Variants in MIA3 observed in about 807,000 individuals in gnomAD.
MIA3 encodes MIA SH3 domain ER export factor 3.
MIA3 carries 90 observed loss-of-function variants against 192.4 expected under a neutral mutation model. That is an observed-to-expected ratio of 0.47 (90% CI 0.39 to 0.56). MIA3 has a LOEUF of 0.56. Ranked by LOEUF, MIA3 falls within the 20% of genes least tolerant of loss-of-function variation. MIA3 has a pLI of 0.00. For missense variants in MIA3, 2,123 were observed against 2,269.4 expected (o/e 0.94, Z 1.31); for synonymous variants, 740 against 792.8 (o/e 0.93, Z 1.12).
chr1:222,656,122 A>G (rs1663713597), intron 18 of MIA3, among the ~76,000 whole-genome samples: 1 of 151,554 alleles, frequency 6.6e-6, no homozygotes, highest in African/African-American at 2.4e-5. Flanking sequence ...GGCGCCCGCC[A>G]CCATGCCCGG....
At chr1:222,641,856 G>T (rs891354114) in intron 6 of MIA3, 8 of 489,520 alleles carry the variant, frequency 1.6e-5, no homozygotes, top group African/African-American at 1.6e-4. Context: ...TGATAGTCTT[G>T]GAAGTTTTAT....
At chr1:222,639,785 T>C (rs1662774646) in intron 6 of MIA3, among the ~76,000 whole-genome samples, 2 of 152,164 alleles carry the variant, frequency 1.3e-5, no homozygotes, top group Admixed American at 6.5e-5. Context: ...TACTTAATAG[T>C]GAATGATTGA....
At chr1:222,644,918 T>C (rs1050435524) in intron 6 of MIA3, among the ~76,000 whole-genome samples, 1 of 152,154 alleles carries the variant, frequency 6.6e-6, no homozygotes, top group Admixed American at 6.5e-5. Context: ...GATAGTGTAC[T>C]TGTAAAGGGC....
chr1:222,622,827 T>G (rs9441835), intron 2 of MIA3, among the ~76,000 whole-genome samples: 1 of 151,598 alleles, frequency 6.6e-6, no homozygotes, highest in African/African-American at 2.4e-5. Flanking sequence ...CACGTCTTCA[T>G]CTCTGGATGT....
rs1483619784 is a variant in MIA3, at chr1:222,630,255, T to C, written c.3035T>C (p.Phe1012Ser). 6.2e-7 allele frequency: 1 copy of C among 1,614,204 alleles called. No homozygotes were observed. The highest frequency in any genetic ancestry group is 1.1e-5 in the South Asian group (1 of 91,086). ...CTGGGAATGAACGAAAATAACATAT[T>C]TGAAGAGGCTGCAGTGCTTGATGAC... is the stretch of plus-strand genomic sequence containing the variant. ...RDLGMNENNI[F>S]EEAAVLDDIQ... The change falls in exon 4 of 28, where the codon TTT (phenylalanine) becomes TCT (serine). Residue 1012 changes from phenylalanine (F) to serine (S), a missense_variant. By Grantham distance (155) the Phe-to-Ser change is radical. This residue lies in a region of MIA3 where 1,357 missense variants were observed against 1,396.1 expected (regional missense o/e 0.97). Transcript: ENST00000344922.
chr1:222,632,992 A>G (rs1662468630), intron 5 of MIA3, 112 bp from the exon 6 acceptor site: 6 of 1,076,336 alleles, frequency 5.6e-6, no homozygotes, highest in Middle Eastern at 4.6e-4. Context: ...AGAGATGAGA[A>G]CGTTTACTTT....
At chr1:222,630,902 A>G (rs1487935290) in intron 4 of MIA3, among the ~76,000 whole-genome samples, 1 of 152,132 alleles carries the variant, frequency 6.6e-6, no homozygotes, top group Non-Finnish European at 1.5e-5. Flanking sequence ...TCTTGCATGC[A>G]GATTAATCAA....
chr1:222,663,474 G>A (rs1343961270), intron 26 of MIA3, among the ~76,000 whole-genome samples: 7 of 152,120 alleles, frequency 4.6e-5, no homozygotes, highest in Admixed American at 1.3e-4. Context: ...TACTCTCTGC[G>A]CCTGTGTTCC....
chr1:222,636,673 C>T (rs573149077), intron 6 of MIA3, among the ~76,000 whole-genome samples: 83 of 152,078 alleles, frequency 5.5e-4, no homozygotes, highest in Admixed American at 9.2e-4. Flanking sequence ...CCACCACACC[C>T]GGCTAATTTT....
At chr1:222,634,760 T>C (rs1181637582) in intron 6 of MIA3, among the ~76,000 whole-genome samples, 1 of 152,206 alleles carries the variant, frequency 6.6e-6, no homozygotes, top group Non-Finnish European at 1.5e-5. Context: ...AAGACTCGAA[T>C]AGGAAAGAGC....
chr1:222,635,298 A>G (rs1464515250), intron 6 of MIA3, among the ~76,000 whole-genome samples: 1 of 152,214 alleles, frequency 6.6e-6, no homozygotes, highest in Non-Finnish European at 1.5e-5. Context: ...TATTCATTGT[A>G]TTTCTAGATA....
Position 222,630,006 on chromosome 1 carries a change from T to G in MIA3, c.2786T>G (p.Phe929Cys). ...GAGGACTTACTTATCATAAGCAGCTTCTTTAAAGAACAACAGTCTTTGCAG... is the reference window on the plus strand; with the variant it reads ...GAGGACTTACTTATCATAAGCAGCTGCTTTAAAGAACAACAGTCTTTGCAG... Reference protein sequence around the residue: ...KREDLLIISSFFKEQQSLQRF... With the variant: ...KREDLLIISSCFKEQQSLQRF... The change falls in exon 4 of 28, where the codon TTC (phenylalanine) becomes TGC (cysteine). Residue 929 changes from phenylalanine to cysteine, a missense_variant. Physicochemically the swap from Phe to Cys is radical, Grantham distance 205. Coordinates refer to ENST00000344922, the MANE Select transcript of MIA3 (RefSeq NM_198551.4). 2 of 1,614,132 alleles carry G rather than the reference T, an allele frequency of 1.2e-6. No homozygotes were observed. Among genetic ancestry groups the G allele is most frequent in the Non-Finnish European group, 1.7e-6 (2 of 1,180,030 alleles).
chr1:222,639,677 A>G (rs1285638698), intron 6 of MIA3, among the ~76,000 whole-genome samples: 2 of 152,192 alleles, frequency 1.3e-5, no homozygotes, highest in East Asian at 3.8e-4. Flanking sequence ...CTTTGAAAAA[A>G]ATCTAAAATT....
chr1:222,624,679 C>G, intron 2 of MIA3, 89 bp from the exon 3 acceptor site: 2 of 687,084 alleles, frequency 2.9e-6, no homozygotes, highest in Non-Finnish European at 2.7e-6. Flanking sequence ...TTGATATGTG[C>G]TGTAGATTGA....
At position 222,629,049 on chromosome 1, in the gene MIA3, C is replaced by T; in HGVS notation, c.1829C>T (p.Ser610Leu). 1 of 1,614,208 alleles carries T rather than the reference C, an allele frequency of 6.2e-7. No homozygotes were observed. Among genetic ancestry groups the T allele is most frequent in the Non-Finnish European group, 8.5e-7 (1 of 1,180,038 alleles). ...LVNGAKLHTL[S>L]VEHQREELKE... Reference sequence around the variant, plus strand: ...AATGGGGCCAAACTGCACACGCTTTCAGTGGAGCATCAACGTGAGGAATTG... The same window carrying T: ...AATGGGGCCAAACTGCACACGCTTTTAGTGGAGCATCAACGTGAGGAATTG... Residue 610 changes from serine (S) to leucine (L), a missense_variant, in exon 4 of 28, where the codon TCA becomes TTA. Coordinates refer to ENST00000344922, the MANE Select transcript of MIA3 (RefSeq NM_198551.4).
intron 6 of MIA3, chr1:222,644,513 C>A: frequency 6.4e-7 from 1 of 1,550,530 alleles, no homozygotes; most frequent in East Asian, 2.4e-5. Context: ...TCTATCGCCG[C>A]TACCCCGGGG....
intron 6 of MIA3, among the ~76,000 whole-genome samples, chr1:222,637,033 G>T (rs1662660033): frequency 6.6e-6 from 1 of 152,162 alleles, no homozygotes; most frequent in South Asian, 2.1e-4. Context: ...GCTGCCTGTT[G>T]TTCTCTATAT....
rs1234707805 is a variant in MIA3 at position 222,629,268 on chromosome 1, A to T, written c.2048A>T (p.Lys683Ile). ...EKIRLSEGEA[K>I]EDSLDEEFFH... is the part of the protein sequence containing the mutation. The stretch of plus-strand genomic sequence containing the variant: ...ATAAGGCTCTCTGAGGGAGAAGCCA[A>T]AGAGGACTCCTTGGATGAAGAGTTT... Residue 683 changes from lysine (K) to isoleucine (I), a missense_variant, in exon 4 of 28, where the codon AAA becomes ATA. Physicochemically the swap from Lys to Ile is moderately radical, Grantham distance 102. Around this residue, in one of 3 missense-constraint regions of MIA3, gnomAD observed 1,357 missense variants for 1,396.1 expected, o/e 0.97. Coordinates refer to ENST00000344922, the MANE Select transcript of MIA3 (RefSeq NM_198551.4). The T allele has an allele frequency of 1.2e-6, 2 of 1,614,076 alleles. No homozygotes were observed. The highest frequency in any genetic ancestry group is 1.7e-6 in the Non-Finnish European group (2 of 1,180,044).
At chr1:222,656,135 A>G (rs1022526110) in intron 18 of MIA3, among the ~76,000 whole-genome samples, 4 of 151,480 alleles carry the variant, frequency 2.6e-5, no homozygotes, top group Admixed American at 2.6e-4. Flanking sequence ...ATGCCCGGCT[A>G]ATTTTTTTTG....
Sources: gnomAD v4.1 joint callset for allele counts (sites outside exome capture counted in the v4.1 genomes callset) on GRCh38, gnomAD v4.1.1 for gene constraint, gnomAD v4.1.1 regional missense constraint, MANE v1.5 for transcripts, NCBI Gene and HGNC (gene_info 2026-07-23, HGNC 2026-07-21) for gene names.